Variants in NAA38 observed in about 807,000 individuals in gnomAD.
NAA38 encodes LSM domain containing 1.
A neutral mutation model predicts 12.6 loss-of-function variants in NAA38; 15 were observed. The observed-to-expected ratio is 1.19, with a 90% CI of 0.79 to 1.83. The LOEUF (loss-of-function observed/expected upper bound fraction) is 1.83, where lower values mean the gene tolerates loss of function less well. Among genes scored for constraint, NAA38 ranks in the 40% most tolerant of loss-of-function variants. The pLI, the probability that NAA38 is intolerant of heterozygous loss-of-function variation, is 0.00. For missense variants in NAA38, 183 were observed against 171.7 expected, an observed-to-expected ratio of 1.07 and a Z score of -0.37; for synonymous variants, 88 against 69.9, an observed-to-expected ratio of 1.26 and a Z score of -1.29.
intron 2 of NAA38, among the ~76,000 whole-genome samples, chr17:7,881,362 C>T (rs190023038): frequency 2.5e-4 from 38 of 151,848 alleles, no homozygotes; most frequent in Admixed American, 2.2e-3. Context: ...AGGAAGGCAG[C>T]GAGAGACTGG....
chr17:7,858,406 ACCT>A, upstream of NAA38: 1 of 1,614,028 alleles, frequency 6.2e-7, no homozygotes, highest in Non-Finnish European at 8.5e-7. Flanking sequence ...TTTCAAGGGA[ACCT>A]GCTGCTGAAA....
upstream of NAA38, chr17:7,857,659 T>C: frequency 1.5e-6 from 2 of 1,343,220 alleles, no homozygotes; most frequent in Non-Finnish European, 1.9e-6. Context: ...TGAAGCGTAC[T>C]ACGCCGGATG....
chr17:7,872,436 C>G (rs538777827), intron 2 of NAA38, among the ~76,000 whole-genome samples: 73 of 152,346 alleles, frequency 4.8e-4, no homozygotes, highest in African/African-American at 1.7e-3. Context: ...GTGGCACAAT[C>G]TTGGCTCACT....
chr17:7,857,679 A>G (rs1257667838), upstream of NAA38: 12 of 1,325,548 alleles, frequency 9.1e-6, no homozygotes, highest in East Asian at 2.9e-4. Flanking sequence ...GTCTTAAGAT[A>G]TCGCGAGACC....
At chr17:7,858,739 C>A (rs1388505132), upstream of NAA38, 1 of 1,604,620 alleles carries the variant, frequency 6.2e-7, no homozygotes, top group African/African-American at 1.3e-5. Context: ...TGGCAGGGGT[C>A]GTATTATGAG....
Position 7,857,204 on chromosome 17 carries a change from C to T in NAA38, c.82-6G>A. On this transcript the variant is annotated splice_region_variant and splice_polypyrimidine_tract_variant and intron_variant, in intron 1 of 2. Coordinates refer to ENST00000575771, the MANE Select transcript of NAA38 (RefSeq NM_001320925.4). ...TCGCGCTCTCCGTCCGAATCCTGCG[C>T]GGGGTGTAACAAGCGCTCAGACCGC... is the stretch of plus-strand genomic sequence containing the variant. 6.2e-7 allele frequency: 1 copy of T among 1,612,956 alleles called. No individual in the cohort carries two copies. The highest frequency in any genetic ancestry group is 8.5e-7 in the Non-Finnish European group (1 of 1,179,976).
intron 3 of NAA38, chr17:7,865,773 G>A (rs374376708): frequency 6.6e-6 from 1 of 152,216 alleles, no homozygotes; most frequent in East Asian, 1.9e-4. Context: ...GAGGTAAAAG[G>A]GGGGTATCCA....
At chr17:7,869,676 T>C (rs1361820040) in intron 2 of NAA38, among the ~76,000 whole-genome samples, 1 of 151,800 alleles carries the variant, frequency 6.6e-6, no homozygotes, top group Non-Finnish European at 1.5e-5. Context: ...GGCAGGAGAA[T>C]CGCTTCAACC....
At chr17:7,859,646 G>A (rs753910540), upstream of NAA38, 26 of 1,601,074 alleles carry the variant, frequency 1.6e-5, no homozygotes, top group Middle Eastern at 1.7e-4. Context: ...GACTCAAGAC[G>A]TATTTCGAGT....
intron 2 of NAA38, among the ~76,000 whole-genome samples, chr17:7,871,415 T>C (rs1187862310): frequency 6.6e-6 from 1 of 152,214 alleles, no homozygotes; most frequent in Non-Finnish European, 1.5e-5. Flanking sequence ...ATCCTATTGT[T>C]CATCTTTTGT....
chr17:7,885,170 G>T, exon 1 of NAA38: 1 of 980,900 alleles, frequency 1.0e-6, no homozygotes, highest in Non-Finnish European at 1.2e-6. Flanking sequence ...CCCACCGCGC[G>T]GCCGAGCCGA....
chr17:7,869,831 A>C (rs1171577325), intron 2 of NAA38, among the ~76,000 whole-genome samples: 1 of 152,144 alleles, frequency 6.6e-6, no homozygotes, highest in Non-Finnish European at 1.5e-5. Context: ...AAAGGGCCCA[A>C]GAGCAAGTGA....
chr17:7,879,409 G>A (rs750290491), intron 2 of NAA38, among the ~76,000 whole-genome samples: 12 of 151,932 alleles, frequency 7.9e-5, no homozygotes, highest in African/African-American at 2.2e-4. Context: ...CAGGGTATTC[G>A]TAACACCGTG....
At chr17:7,868,777 A>C (rs1448203497) in intron 2 of NAA38, among the ~76,000 whole-genome samples, 1 of 152,226 alleles carries the variant, frequency 6.6e-6, no homozygotes, top group Non-Finnish European at 1.5e-5. Context: ...TTCAGCATCC[A>C]GGTAACATCT....
chr17:7,881,962 A>G (rs1029529580), intron 2 of NAA38, among the ~76,000 whole-genome samples: 1 of 151,300 alleles, frequency 6.6e-6, no homozygotes, highest in African/African-American at 2.4e-5. Flanking sequence ...CAGACACCAT[A>G]ACAGGAGCAA....
At chr17:7,881,318 C>G (rs942077961) in intron 2 of NAA38, among the ~76,000 whole-genome samples, 2 of 151,976 alleles carry the variant, frequency 1.3e-5, no homozygotes, top group Admixed American at 6.6e-5. Flanking sequence ...GAGACGTGGA[C>G]AGCAAGAGCC....
At chr17:7,869,755 T>G (rs1967053498) in intron 2 of NAA38, among the ~76,000 whole-genome samples, 1 of 151,718 alleles carries the variant, frequency 6.6e-6, no homozygotes, top group African/African-American at 2.4e-5. Context: ...AGAGCAAGAC[T>G]CCGTCTCCAA....
At chr17:7,859,119 TTTC>T, upstream of NAA38, 2 of 575,776 alleles carry the variant, frequency 3.5e-6, no homozygotes, top group East Asian at 5.7e-5. Flanking sequence ...GCAATTGGAC[TTTC>T]TTTTTAATCT....
At chr17:7,865,187 C>T (rs1171277785) in intron 3 of NAA38, 1 of 152,142 alleles carries the variant, frequency 6.6e-6, no homozygotes, top group Admixed American at 6.5e-5. Context: ...TGTAGAGCTG[C>T]ATTTACCAAC....
Sources: allele counts gnomAD v4.1 joint callset (sites outside exome capture counted in the v4.1 genomes callset), GRCh38; gene constraint gnomAD v4.1.1; transcripts MANE v1.5; gene names NCBI Gene and HGNC (gene_info 2026-07-23, HGNC 2026-07-21).